Variants in CC2D2A observed in about 807,000 individuals in gnomAD.
CC2D2A encodes coiled-coil and C2 domain-containing protein 2A.
CC2D2A carries 155 observed loss-of-function variants against 212.9 expected under a neutral mutation model. The observed-to-expected ratio is 0.73, with a 90% CI of 0.64 to 0.83. CC2D2A has a LOEUF of 0.83. Among genes scored for constraint, CC2D2A ranks in the 40% least tolerant of loss-of-function variants. The probability of loss-of-function intolerance (pLI) is 0.00; values close to 1 mark genes in which losing one functional copy is unlikely to be tolerated. For missense variants in CC2D2A, 1,856 were observed against 1,956.2 expected (o/e 0.95, Z 0.97); for synonymous variants, 667 against 686.5 (o/e 0.97, Z 0.44).
At chr4:15,505,011 C>T (rs755476586) in intron 6 of CC2D2A, among the ~76,000 whole-genome samples, 8 of 152,170 alleles carry the variant, frequency 5.3e-5, no homozygotes, top group East Asian at 1.9e-4. Flanking sequence ...CCCCGCTTCC[C>T]GCCTCTATAA....
chr4:15,515,418 A>G (rs1250161805), intron 9 of CC2D2A, among the ~76,000 whole-genome samples: 2 of 152,154 alleles, frequency 1.3e-5, no homozygotes, highest in Non-Finnish European at 2.9e-5. Context: ...ATCACGTTCA[A>G]TCAAATAAAC....
chr4:15,559,231 G>T lies in CC2D2A; in HGVS notation c.2896G>T (p.Ala966Ser), dbSNP rs1247493986. 6.4e-7 allele frequency: 1 copy of T among 1,552,722 alleles called. No homozygotes were observed. Among genetic ancestry groups the T allele is most frequent in the Non-Finnish European group, 8.7e-7 (1 of 1,147,312 alleles). ...ETKEHIDTHR[A>S]IVAKYLQQVR... ...CAAGGAACACATAGACACCCATAGG[G>T]CCATAGTAGCCAAGTACCTCCAGCA... is the stretch of plus-strand genomic sequence containing the variant. Residue 966 changes from alanine to serine, a missense_variant, in exon 22 of 37, where the codon GCC (alanine) becomes TCC (serine). Transcript: ENST00000424120.
chr4:15,481,955 C>G (rs528547650), intron 4 of CC2D2A: 2 of 985,432 alleles, frequency 2.0e-6, no homozygotes, highest in Non-Finnish European at 2.4e-6. Flanking sequence ...CCCCTACACA[C>G]GCCTTTTCTT....
intron 17 of CC2D2A, chr4:15,543,707 TC>T (rs1316556731): frequency 6.6e-6 from 1 of 152,312 alleles, no homozygotes; most frequent in African/African-American, 2.4e-5. Flanking sequence ...GACTCTCTAT[TC>T]CATCTGCTCT....
chr4:15,527,198 C>T (rs1717553673), intron 11 of CC2D2A, among the ~76,000 whole-genome samples: 1 of 152,174 alleles, frequency 6.6e-6, no homozygotes, highest in South Asian at 2.1e-4. Context: ...AGTAATGAAA[C>T]CTAAAAGACT....
In CC2D2A at chr4:15,537,996, C is replaced by T. The variant is rs753274560; in HGVS notation, c.1862C>T (p.Pro621Leu). The change falls in exon 16 of 37, where the codon CCT becomes CTT. Residue 621 changes from proline to leucine, a missense_variant. Pro to Leu is a moderately conservative substitution (Grantham distance 98, BLOSUM62 -3). Around this residue, in one of 5 missense-constraint regions of CC2D2A, gnomAD observed 1,512 missense variants for 1,579.3 expected, o/e 0.96. Coordinates refer to ENST00000424120, the MANE Select transcript of CC2D2A (RefSeq NM_001378615.1). ...YPEEDLVKPS[P>L]PEPTDRAVIE... ...GAGGAGGACCTTGTGAAGCCCAGCC[C>T]TCCAGAGCCCACTGATCGGGCAGTG... The T allele has an allele frequency of 6.2e-7, 1 of 1,609,948 alleles. No homozygotes were observed. Among genetic ancestry groups the T allele is most frequent in the African/African-American group, 1.3e-5 (1 of 74,956 alleles).
intron 4 of CC2D2A, among the ~76,000 whole-genome samples, chr4:15,483,924 T>TG (rs1410226071): frequency 5.9e-5 from 9 of 152,022 alleles, no homozygotes; most frequent in Non-Finnish European, 1.2e-4. Context: ...TAGACAAGAG[T>TG]GGGTACCAGT....
chr4:15,505,836 T>C (rs1024256563), intron 6 of CC2D2A, among the ~76,000 whole-genome samples: 3 of 152,206 alleles, frequency 2.0e-5, no homozygotes, highest in African/African-American at 7.2e-5. Context: ...TTGATTAGTA[T>C]CAGGACCACT....
intron 17 of CC2D2A, among the ~76,000 whole-genome samples, chr4:15,542,073 T>C (rs1447107559): frequency 6.6e-6 from 1 of 152,158 alleles, no homozygotes; most frequent in Non-Finnish European, 1.5e-5. Context: ...TCTCTCTCTG[T>C]GGGTCCTCTT....
chr4:15,481,095 G>A (rs935603070), intron 4 of CC2D2A: 2 of 468,544 alleles, frequency 4.3e-6, no homozygotes, highest in Non-Finnish European at 4.2e-6. Flanking sequence ...AATGTTAGAG[G>A]TGGAGCCTAG....
intron 11 of CC2D2A, among the ~76,000 whole-genome samples, chr4:15,526,523 T>A (rs1465995215): frequency 2.0e-5 from 3 of 152,180 alleles, no homozygotes; most frequent in African/African-American, 7.2e-5. Context: ...CTGATTAGAA[T>A]TTTTACACTT....
At chr4:15,478,698 C>T (rs754222479) in intron 2 of CC2D2A, 25 bp from the exon 3 acceptor site, 4 of 1,522,778 alleles carry the variant, frequency 2.6e-6, no homozygotes, top group African/African-American at 2.8e-5. Context: ...TCTTAAGATT[C>T]TCTCCCTTTT....
chr4:15,563,671 G>A (rs1237994273), intron 24 of CC2D2A, 149 bp downstream of exon 24: 1 of 724,044 alleles, frequency 1.4e-6, no homozygotes, highest in Non-Finnish European at 2.3e-6. Context: ...CCTACTGTTT[G>A]CAAGTAATAC....
rs780860390 is a variant in CC2D2A at position 15,538,152 on chromosome 4, C to T, written c.2003+15C>T. The T allele has an allele frequency of 2.6e-5, 39 of 1,526,528 alleles. No homozygotes were observed. Among genetic ancestry groups the T allele is most frequent in the Middle Eastern group, 1.7e-4 (1 of 5,724 alleles). 94.6% of individuals were successfully genotyped at this position (1,526,528 alleles called of 1,614,324 possible). On this transcript the variant is annotated intron_variant, in intron 16 of 36. Coordinates refer to ENST00000424120, the MANE Select transcript of CC2D2A (RefSeq NM_001378615.1). ...CAGTGCCCCAGGTGAGTGGATGCTC[C>T]GACCGTAAATGAGGCTGACATCTGA...
chr4:15,550,741 T>C lies in CC2D2A; in HGVS notation c.2182-83T>C, dbSNP rs1288961774. The C allele has an allele frequency of 3.8e-6, 4 of 1,042,096 alleles. No homozygotes were observed. In the African/African-American group the frequency reaches 4.7e-5, roughly 12 times the overall value. The allele number at this position is 1,042,096 out of a possible 1,614,324, so 64.6% of individuals were successfully genotyped here. On this transcript the variant is annotated intron_variant, in intron 17 of 36. Transcript: ENST00000424120. ...GGGCTGGAACAGTGACCAGCACAAA[T>C]ACTAACAACATGGACTGATTATCTG...
chr4:15,541,498 C>T (rs968756110), intron 17 of CC2D2A, among the ~76,000 whole-genome samples: 2 of 151,976 alleles, frequency 1.3e-5, no homozygotes, highest in Non-Finnish European at 2.9e-5. Context: ...AGATCTGTTC[C>T]CCAACTCACC....
Position 15,567,419 on chromosome 4 carries a change from AAAG to A in CC2D2A, c.3226_3228del (p.Lys1076del). 1 of 1,613,648 alleles carries A rather than the reference AAAG, an allele frequency of 6.2e-7. No homozygotes were observed. The highest frequency in any genetic ancestry group is 8.5e-7 in the Non-Finnish European group (1 of 1,179,728). On this transcript the variant is annotated inframe_deletion, in exon 25 of 37. Transcript: ENST00000424120. ...CGAGGTCTTCAAGGATGTTCAGTGA[AAAG>A]CATGCTGCTTCCCCAAGCACGTACA...
Position 15,487,889 on chromosome 4 carries a change from T to C in CC2D2A, c.247+7062T>C, listed in dbSNP as rs1328363100. Among the ~76,000 whole-genome samples, 4 of 152,060 alleles carry C rather than the reference T, an allele frequency of 2.6e-5. 1 individual carries two copies. Among genetic ancestry groups the C allele is most frequent in the Non-Finnish European group, 5.9e-5 (4 of 67,964 alleles). ...CCAGTTATTTTAAGCTGATGACAAC[T>C]TAAATCTGATCACAATGAAAAGAAA... On this transcript the variant is annotated intron_variant, in intron 4 of 36. Transcript: ENST00000424120.
Position 15,550,981 on chromosome 4 carries a change from G to A in CC2D2A, c.2338+1G>A. 6.3e-7 allele frequency: 1 copy of A among 1,583,990 alleles called. No individual in the cohort carries two copies. The highest frequency in any genetic ancestry group is 1.1e-5 in the South Asian group (1 of 88,380). On this transcript the variant is annotated splice_donor_variant, in intron 18 of 36. Transcript: ENST00000424120. LOFTEE classifies it high-confidence loss of function. The stretch of plus-strand genomic sequence containing the variant: ...CTGGACCACGAGGGAGTTGGAAGTG[G>A]TATGGAAAGCTAATATCTTCAATGG...
Sources: gnomAD v4.1 joint callset for allele counts (sites outside exome capture counted in the v4.1 genomes callset) on GRCh38, gnomAD v4.1.1 for gene constraint, gnomAD v4.1.1 regional missense constraint, MANE v1.5 for transcripts, NCBI Gene and HGNC (gene_info 2026-07-23, HGNC 2026-07-21) for gene names.